CIBAR1: variants seen among roughly 807,000 people sequenced by gnomAD.
CIBAR1 encodes the protein CBY1-interacting BAR domain-containing protein 1.
CIBAR1 carries 25 observed loss-of-function variants against 44.0 expected under a neutral mutation model. The ratio of observed to expected loss-of-function variants is 0.57; its 90% CI spans 0.41 to 0.79. CIBAR1 has a LOEUF of 0.79. Ranked by LOEUF, CIBAR1 falls within the 30% of genes least tolerant of loss-of-function variation. The pLI, the probability that CIBAR1 is intolerant of heterozygous loss-of-function variation, is 0.00. For missense variants in CIBAR1, 278 were observed against 344.8 expected, an observed-to-expected ratio of 0.81 and a Z score of 1.53; for synonymous variants, 115 against 119.0, an observed-to-expected ratio of 0.97 and a Z score of 0.22.
Position 93,731,410 on chromosome 8 carries a change from A to C in CIBAR1, c.*3113A>C, listed in dbSNP as rs1286708255. 6.6e-6 allele frequency: 1 copy of C among 152,130 alleles called. No homozygotes were observed. The highest frequency in any genetic ancestry group is 6.5e-5 in the Admixed American group (1 of 15,268). The allele number at this position is 152,130 out of a possible 1,614,324, so 9.4% of individuals were successfully genotyped here. A position where few individuals can be genotyped will look rare whatever the true frequency, so the allele number is the denominator to read the frequency against. On this transcript the variant is annotated 3_prime_UTR_variant, in exon 9 of 9. Coordinates refer to ENST00000518322, the MANE Select transcript of CIBAR1 (RefSeq NM_145269.5). ...TAAAAATATCATTTCTACTTTCTTC[A>C]TTGTGCTTGGTTTGGATATTCCAAA...
intron 7 of CIBAR1, among the ~76,000 whole-genome samples, chr8:93,723,198 A>G (rs62522938): frequency 0.06 from 9,080 of 152,206 alleles, 402 homozygotes; most frequent in Non-Finnish European, 0.094. Context: ...GGGTTTCACC[A>G]TGTTAGCCAG....
intron 6 of CIBAR1, among the ~76,000 whole-genome samples, chr8:93,711,759 A>G (rs947429525): frequency 1.3e-5 from 2 of 152,152 alleles, no homozygotes; most frequent in African/African-American, 2.4e-5. Context: ...CAGACCTGCA[A>G]ATTTTTCATT....
intron 7 of CIBAR1, 124 bp from the exon 8 acceptor site, chr8:93,726,270 T>C (rs1378661022): frequency 1.8e-5 from 14 of 775,870 alleles, no homozygotes; most frequent in Non-Finnish European, 2.6e-5. Flanking sequence ...TTTACAATAA[T>C]TGGAATTTTG....
In CIBAR1 at chr8:93,702,582, A is replaced by T. The variant is rs1408272758; in HGVS notation, c.262-1038A>T. On this transcript the variant is annotated intron_variant, in intron 2 of 8. Transcript: ENST00000518322. ...AGGAGAACAGAAAAAAGACTTAGATAATCCTTAAACTGAATAATCAGTATG... is the reference window on the plus strand; with the variant it reads ...AGGAGAACAGAAAAAAGACTTAGATTATCCTTAAACTGAATAATCAGTATG... 4 of 455,206 alleles carry T rather than the reference A, an allele frequency of 8.8e-6. No individual in the cohort carries two copies. In the Admixed American group the frequency reaches 9.4e-5, roughly 11 times the overall value. 28.2% of individuals were successfully genotyped at this position (455,206 alleles called of 1,614,324 possible). A position where few individuals can be genotyped will look rare whatever the true frequency, so the allele number is the denominator to read the frequency against.
chr8:93,709,755 G>A lies in CIBAR1; in HGVS notation c.439-16G>A, dbSNP rs574583897. The A allele has an allele frequency of 1.9e-6, 3 of 1,605,918 alleles. No individual in the cohort carries two copies. The South Asian group carries it at 3.3e-5, about 18-fold the overall frequency. ...TTGATTTTTTTTATATCCTTGGTTGGGGAATACTTTTGTAGGCAGAAACGG... is the reference window on the plus strand; with the variant it reads ...TTGATTTTTTTTATATCCTTGGTTGAGGAATACTTTTGTAGGCAGAAACGG... On this transcript the variant is annotated splice_polypyrimidine_tract_variant and intron_variant, in intron 5 of 8. Transcript: ENST00000518322.
At position 93,708,441 on chromosome 8, in the gene CIBAR1, T is replaced by TA. The variant is rs151124204; in HGVS notation, c.438+427dup. Among the ~76,000 whole-genome samples, 740 of 152,236 alleles carry TA rather than the reference T, an allele frequency of 4.9e-3. 1 individual carries two copies. Among genetic ancestry groups the TA allele is most frequent in the African/African-American group, 0.017 (688 of 41,534 alleles). The stretch of plus-strand genomic sequence containing the variant: ...TTGAATTCTTGAAATACAACTAGAG[T>TA]AACTTTGGAGCTAGTTTTTAATTTT... On this transcript the variant is annotated intron_variant, in intron 5 of 8. Transcript: ENST00000518322.
At chr8:93,726,759 A>C (rs1811528225) in intron 8 of CIBAR1, 3 of 444,834 alleles carry the variant, frequency 6.7e-6, no homozygotes, top group Non-Finnish European at 4.1e-6. Flanking sequence ...TGGAAAAGAC[A>C]AAAGAATGCT....
chr8:93,707,600 A>C (rs1810649297), intron 4 of CIBAR1, among the ~76,000 whole-genome samples: 1 of 140,304 alleles, frequency 7.1e-6, no homozygotes, highest in Non-Finnish European at 1.6e-5. Context: ...AATAACTGTT[A>C]GAGATTTTTT....
In CIBAR1 at chr8:93,731,024, G is replaced by A. The variant is rs1386933986; in HGVS notation, c.*2727G>A. 2.0e-5 allele frequency: 3 copies of A among 152,116 alleles called. No individual in the cohort carries two copies. Among genetic ancestry groups the A allele is most frequent in the African/African-American group, 7.2e-5 (3 of 41,396 alleles). The allele number at this position is 152,116 out of a possible 1,614,324, so 9.4% of individuals were successfully genotyped here. A position where few individuals can be genotyped will look rare whatever the true frequency, so the allele number is the denominator to read the frequency against. On this transcript the variant is annotated 3_prime_UTR_variant, in exon 9 of 9. Coordinates refer to ENST00000518322, the MANE Select transcript of CIBAR1 (RefSeq NM_145269.5). ...AATAATAAAAAATTTAGCCAGACAA[G>A]GTGGCACACACCTGTAGTCCCAGCT...
At chr8:93,703,021 C>CA (rs1241082872) in intron 2 of CIBAR1, among the ~76,000 whole-genome samples, 1 of 152,062 alleles carries the variant, frequency 6.6e-6, no homozygotes, top group East Asian at 1.9e-4. Context: ...AAACCTGTAA[C>CA]GTTTAAGAAA....
At position 93,701,045 on chromosome 8, in the gene CIBAR1, T is replaced by G. The variant is rs899615262; in HGVS notation, c.27-179T>G. ...TGGGCCTTTTCCTGTGCCTACACAG[T>G]CCGGATAGTGAGGTCAGGACCCCAT... On this transcript the variant is annotated intron_variant, in intron 1 of 8. Coordinates refer to ENST00000518322, the MANE Select transcript of CIBAR1 (RefSeq NM_145269.5). 7 of 1,450,480 alleles carry G rather than the reference T, an allele frequency of 4.8e-6. No homozygotes were observed. The African/African-American group carries it at 7.2e-5, about 15-fold the overall frequency. The allele number at this position is 1,450,480 out of a possible 1,614,324, so 89.9% of individuals were successfully genotyped here.
chr8:93,724,898 G>A (rs1431171188), intron 7 of CIBAR1, among the ~76,000 whole-genome samples: 1 of 152,202 alleles, frequency 6.6e-6, no homozygotes, highest in African/African-American at 2.4e-5. Context: ...ATAGTTGGGA[G>A]CATGAATACA....
At chr8:93,722,266 A>G (rs1215549419) in intron 7 of CIBAR1, among the ~76,000 whole-genome samples, 2 of 152,220 alleles carry the variant, frequency 1.3e-5, no homozygotes, top group Non-Finnish European at 2.9e-5. Context: ...ACATGCAGAA[A>G]AAGACAGAAA....
At chr8:93,719,561 T>C (rs779701495) in intron 7 of CIBAR1, 1 of 152,220 alleles carries the variant, frequency 6.6e-6, no homozygotes, top group Non-Finnish European at 1.5e-5. Context: ...AAATAACTTA[T>C]TTGTGGCCAC....
At chr8:93,725,721 A>T (rs1811462870) in intron 7 of CIBAR1, 1 of 152,108 alleles carries the variant, frequency 6.6e-6, no homozygotes, top group Admixed American at 6.5e-5. Context: ...TGCACATTGG[A>T]ACTAAATCAG....
At chr8:93,701,620 G>A (rs1049023385) in intron 2 of CIBAR1, 162 bp downstream of exon 2, 2 of 652,800 alleles carry the variant, frequency 3.1e-6, no homozygotes, top group Non-Finnish European at 5.3e-6. Context: ...TTAAAGAGAA[G>A]CGTTCTGTGT....
chr8:93,721,677 CAT>C (rs1172374324), intron 7 of CIBAR1, among the ~76,000 whole-genome samples: 2 of 152,186 alleles, frequency 1.3e-5, no homozygotes, highest in African/African-American at 4.8e-5. Flanking sequence ...TTGAGCACCT[CAT>C]ATGCACCAAG....
chr8:93,728,473 C>T lies in CIBAR1; in HGVS notation c.*176C>T, dbSNP rs1381857779. The T allele has an allele frequency of 8.5e-6, 4 of 472,406 alleles. No individual in the cohort carries two copies. Among genetic ancestry groups the T allele is most frequent in the Admixed American group, 8.5e-5 (2 of 23,568 alleles). The allele number at this position is 472,406 out of a possible 1,614,324, so 29.3% of individuals were successfully genotyped here. A position where few individuals can be genotyped will look rare whatever the true frequency, so the allele number is the denominator to read the frequency against. ...GAAGGCTTTAAAAAATATTGCATAC[C>T]AGTCATTTCAACATCCTACCTAGTG... is the stretch of plus-strand genomic sequence containing the variant. On this transcript the variant is annotated 3_prime_UTR_variant, in exon 9 of 9. Coordinates refer to ENST00000518322, the MANE Select transcript of CIBAR1 (RefSeq NM_145269.5).
Position 93,701,325 on chromosome 8 carries a change from G to C in CIBAR1, c.128G>C (p.Arg43Thr). Residue 43 changes from arginine to threonine, a missense_variant, in exon 2 of 9, where the codon AGG becomes ACG. Around this residue, in one of 3 missense-constraint regions of CIBAR1, gnomAD observed 183 missense variants for 218.6 expected, o/e 0.84. Transcript: ENST00000518322. ...IFAAYVRKTA[R>T]LRDKADLLVN... ...GCTGCCTATGTGCGGAAAACTGCCA[G>C]GCTGAGAGACAAAGCAGACCTCCTG... 4 of 1,613,906 alleles carry C rather than the reference G, an allele frequency of 2.5e-6. No homozygotes were observed. Among genetic ancestry groups the C allele is most frequent in the Non-Finnish European group, 2.5e-6 (3 of 1,179,866 alleles).
Sources: gnomAD v4.1 joint callset for allele counts (sites outside exome capture counted in the v4.1 genomes callset) on GRCh38, gnomAD v4.1.1 for gene constraint, gnomAD v4.1.1 regional missense constraint, MANE v1.5 for transcripts, NCBI Gene and HGNC (gene_info 2026-07-23, HGNC 2026-07-21) for gene names.